TULP4: variants seen among roughly 807,000 people sequenced by gnomAD.
TULP4 encodes the protein tubby-related protein 4.
A neutral mutation model predicts 129.0 loss-of-function variants in TULP4; 16 were observed. That is an observed-to-expected ratio of 0.12 (90% CI 0.08 to 0.19). TULP4 has a LOEUF of 0.19. Ranked by LOEUF, TULP4 falls within the 10% of genes least tolerant of loss-of-function variation. The pLI, the probability that TULP4 is intolerant of heterozygous loss-of-function variation, is 1.00. For synonymous variants in TULP4, 998 were observed against 854.0 expected, an observed-to-expected ratio of 1.17 and a Z score of -2.94; for missense variants, 1,842 against 2,059.1, an observed-to-expected ratio of 0.89 and a Z score of 2.04.
At chr6:158,444,219 CAA>C (rs71030171) in intron 3 of TULP4, among the ~76,000 whole-genome samples, 4,248 of 32,866 alleles carry the variant, frequency 0.13, 34 homozygotes, top group Middle Eastern at 0.19. Flanking sequence ...GACTCTGTCT[CAA>C]AAAAAAAAAA....
At chr6:158,239,882 G>A (rs1777825392) in intron 1 of TULP4, among the ~76,000 whole-genome samples, 2 of 61,766 alleles carry the variant, frequency 3.2e-5, no homozygotes, top group African/African-American at 1.0e-4. Context: ...CTTCCCAGTA[G>A]GGGCGGCCGG....
rs963305667 is a variant in TULP4 at position 158,394,718 on chromosome 6, C to T, written c.253-18347C>T. ...AGGAGAATGGCGTGAACCCGGGAGG[C>T]GGAGCTTGCAGTGAACCCAGATTGT... On this transcript the variant is annotated intron_variant, in intron 1 of 13. Coordinates refer to ENST00000367097, the MANE Select transcript of TULP4 (RefSeq NM_020245.5). 1.2e-4 allele frequency among the ~76,000 whole-genome samples: 15 copies of T among 128,706 alleles called. No individual in the cohort carries two copies. The South Asian group carries it at 2.2e-3, about 19-fold the overall frequency. The allele number at this position is 128,706 out of a possible 152,430, so 84.4% of individuals were successfully genotyped here.
intron 3 of TULP4, among the ~76,000 whole-genome samples, chr6:158,446,578 T>C (rs148717652): frequency 0.011 from 1,666 of 152,298 alleles, 32 homozygotes; most frequent in African/African-American, 0.037. Context: ...TCCTGTGTGT[T>C]GTACATCATG....
intron 11 of TULP4, among the ~76,000 whole-genome samples, chr6:158,497,608 A>G (rs1306214707): frequency 6.6e-6 from 1 of 152,262 alleles, no homozygotes; most frequent in East Asian, 1.9e-4. Flanking sequence ...ACAACAAAGA[A>G]TAACACTTTA....
chr6:158,426,177 TATTTA>T (rs199845784), intron 2 of TULP4, among the ~76,000 whole-genome samples: 1,753 of 152,334 alleles, frequency 0.012, 37 homozygotes, highest in African/African-American at 0.039. Flanking sequence ...GTAGATTGTC[TATTTA>T]CTTTATTGAT....
intron 13 of TULP4, among the ~76,000 whole-genome samples, chr6:158,504,942 C>T (rs1225830281): frequency 5.3e-5 from 8 of 151,682 alleles, no homozygotes; most frequent in Admixed American, 3.3e-4. Flanking sequence ...TTTCCTTCCC[C>T]ATTAAATCAG....
chr6:158,298,731 CTG>C (rs1196263368), intron 1 of TULP4, among the ~76,000 whole-genome samples: 2 of 152,146 alleles, frequency 1.3e-5, no homozygotes, highest in Admixed American at 6.6e-5. Flanking sequence ...TAACACAACT[CTG>C]TATAGGAGTA....
chr6:158,371,174 T>C (rs188272978), intron 1 of TULP4, among the ~76,000 whole-genome samples: 121 of 152,308 alleles, frequency 7.9e-4, no homozygotes, highest in African/African-American at 2.8e-3. Flanking sequence ...GAAAAAAATA[T>C]CGTTCTTTCC....
intron 2 of TULP4, among the ~76,000 whole-genome samples, chr6:158,422,910 GC>G (rs1316754060): frequency 6.6e-6 from 1 of 152,240 alleles, no homozygotes; most frequent in Non-Finnish European, 1.5e-5. Context: ...TGGGACAAGG[GC>G]CGGAAGGCGC....
chr6:158,379,885 G>A (rs1470268481), intron 1 of TULP4, among the ~76,000 whole-genome samples: 1 of 152,182 alleles, frequency 6.6e-6, no homozygotes, highest in Non-Finnish European at 1.5e-5. Flanking sequence ...TCTGGAGTTA[G>A]GGAGGAGATA....
rs954595636 is a variant in TULP4 at position 158,313,132 on chromosome 6, A to T, written c.-885A>T. On this transcript the variant is annotated 5_prime_UTR_variant, in exon 1 of 14. Transcript: ENST00000367097. The stretch of plus-strand genomic sequence containing the variant: ...CAGCAAGAGGATTTAAGACTCACCC[A>T]GGGCAAACACTGGGACCACTGTAAG... The T allele has an allele frequency of 9.3e-6, 2 of 214,250 alleles. No individual in the cohort carries two copies. The highest frequency in any genetic ancestry group is 1.8e-5 in the Non-Finnish European group (2 of 109,690). 13.3% of individuals were successfully genotyped at this position (214,250 alleles called of 1,614,324 possible).
At position 158,314,346 on chromosome 6, in the gene TULP4, C is replaced by T. The variant is rs865911736; in HGVS notation, c.252+78C>T. 5 of 1,520,272 alleles carry T rather than the reference C, an allele frequency of 3.3e-6. No individual in the cohort carries two copies. In the South Asian group the frequency reaches 6.2e-5, roughly 19 times the overall value. 94.2% of individuals were successfully genotyped at this position (1,520,272 alleles called of 1,614,324 possible). A position where few individuals can be genotyped will look rare whatever the true frequency, so the allele number is the denominator to read the frequency against. On this transcript the variant is annotated intron_variant, in intron 1 of 13. Transcript: ENST00000367097. ...CCCCTTGTGGACTTGAAACTTCCTT[C>T]ATTTCAGTTTCATAGACTTGCTGCC... is the stretch of plus-strand genomic sequence containing the variant.
intron 1 of TULP4, among the ~76,000 whole-genome samples, chr6:158,340,591 G>A (rs1249473187): frequency 1.3e-5 from 2 of 152,144 alleles, no homozygotes; most frequent in Admixed American, 6.5e-5. Context: ...ATGTTCTGAT[G>A]TCCTTCCCTA....
rs190490125 is a variant in TULP4 at position 158,315,022 on chromosome 6, A to G, written c.252+754A>G. On this transcript the variant is annotated intron_variant, in intron 1 of 13. Coordinates refer to ENST00000367097, the MANE Select transcript of TULP4 (RefSeq NM_020245.5). ...GTTTTGCTTGTATGGCACCTTCGCA[A>G]TATTCATGTTTTACTCTTCACTAGC... 1.8e-3 allele frequency among the ~76,000 whole-genome samples: 271 copies of G among 152,318 alleles called. 2 individuals carry two copies. The highest frequency in any genetic ancestry group is 0.014 in the Admixed American group (211 of 15,306).
At chr6:158,499,538 G>C (rs1387389267) in intron 12 of TULP4, among the ~76,000 whole-genome samples, 1 of 152,336 alleles carries the variant, frequency 6.6e-6, no homozygotes, top group East Asian at 1.9e-4. Context: ...TTAGTTGTGT[G>C]TAACTATTTC....
chr6:158,421,843 A>T (rs950710052), intron 2 of TULP4, among the ~76,000 whole-genome samples: 4 of 152,182 alleles, frequency 2.6e-5, no homozygotes, highest in African/African-American at 9.7e-5. Context: ...TGTTAAATAA[A>T]ACCCAACCTA....
At chr6:158,454,610 T>TC (rs1162715864) in intron 5 of TULP4, among the ~76,000 whole-genome samples, 5 of 147,988 alleles carry the variant, frequency 3.4e-5, no homozygotes, top group Non-Finnish European at 6.0e-5. Flanking sequence ...AGTTCTCTCT[T>TC]TTTTTTTTTT....
chr6:158,355,257 A>G (rs752674489), intron 1 of TULP4, among the ~76,000 whole-genome samples: 1 of 151,912 alleles, frequency 6.6e-6, no homozygotes, highest in African/African-American at 2.4e-5. Context: ...TAATTAAAAT[A>G]ATTATTTTGT....
At chr6:158,334,562 G>T (rs758217423) in intron 1 of TULP4, among the ~76,000 whole-genome samples, 43 of 151,172 alleles carry the variant, frequency 2.8e-4, no homozygotes, top group Non-Finnish European at 5.4e-4. Flanking sequence ...AAAGTTATAT[G>T]CAGATCTTCA....
Sources: allele counts gnomAD v4.1 joint callset (sites outside exome capture counted in the v4.1 genomes callset), GRCh38; gene constraint gnomAD v4.1.1; transcripts MANE v1.5; gene names NCBI Gene and HGNC (gene_info 2026-07-23, HGNC 2026-07-21).